Variants in CDYL observed in about 807,000 individuals in gnomAD.
CDYL encodes the protein chromodomain Y like.
Under a neutral mutation model 47.3 loss-of-function variants are expected in CDYL, and 8 were observed. The ratio of observed to expected loss-of-function variants is 0.17; its 90% confidence interval spans 0.10 to 0.31. The LOEUF is 0.31. Among genes scored for constraint, CDYL ranks in the 10% least tolerant of loss-of-function variants. The pLI is 1.00. For missense variants in CDYL, 471 were observed against 701.4 expected, an observed-to-expected ratio of 0.67 and a Z score of 3.71; for synonymous variants, 266 against 265.0, an observed-to-expected ratio of 1.00 and a Z score of -0.04.
chr6:4,863,842 A>T (rs1459616218), intron 1 of CDYL, among the ~76,000 whole-genome samples: 1 of 152,218 alleles, frequency 6.6e-6, no homozygotes, highest in Non-Finnish European at 1.5e-5. Context: ...GGGACCCAAG[A>T]CCTTGTCTCA....
At chr6:4,800,617 C>A (rs1308509359) in intron 1 of CDYL, among the ~76,000 whole-genome samples, 1 of 152,110 alleles carries the variant, frequency 6.6e-6, no homozygotes, top group East Asian at 1.9e-4. Context: ...TGTTATAGAT[C>A]TACCAATGAC....
intron 1 of CDYL, among the ~76,000 whole-genome samples, chr6:4,819,144 C>CTCTT (rs1197968859): frequency 7.1e-6 from 1 of 141,394 alleles, no homozygotes; most frequent in Admixed American, 6.9e-5. Flanking sequence ...CTCTCTCTCT[C>CTCTT]TCTCTCTCTC....
chr6:4,949,590 G>A (rs376523541), intron 5 of CDYL, among the ~76,000 whole-genome samples: 63 of 152,304 alleles, frequency 4.1e-4, no homozygotes, highest in African/African-American at 1.4e-3. Context: ...GGTGATGTAG[G>A]TTGTCTACAG....
chr6:4,753,932 A>G (rs1370036019), intron 3 of CDYL, among the ~76,000 whole-genome samples: 1 of 151,794 alleles, frequency 6.6e-6, no homozygotes, highest in African/African-American at 2.4e-5. Flanking sequence ...TAATGTTCTT[A>G]CCCCCTTTTT....
chr6:4,845,143 A>G (rs1205709757), intron 1 of CDYL, among the ~76,000 whole-genome samples: 2 of 152,222 alleles, frequency 1.3e-5, no homozygotes, highest in Non-Finnish European at 2.9e-5. Flanking sequence ...ATTTCACTGC[A>G]TGCTTACTTG....
intron 2 of CDYL, among the ~76,000 whole-genome samples, chr6:4,916,338 G>A (rs1295590044): frequency 1.3e-5 from 2 of 152,168 alleles, no homozygotes; most frequent in African/African-American, 4.8e-5. Flanking sequence ...CCTTCTCTTA[G>A]GAGATGACGC....
intron 1 of CDYL, among the ~76,000 whole-genome samples, chr6:4,712,121 C>T (rs1757162790): frequency 6.6e-6 from 1 of 152,114 alleles, no homozygotes; most frequent in South Asian, 2.1e-4. Flanking sequence ...GAAGCAGAAG[C>T]TTCCACCAAT....
upstream of CDYL, among the ~76,000 whole-genome samples, chr6:4,776,095 G>A (rs1278332915): frequency 1.3e-5 from 2 of 150,344 alleles, no homozygotes; most frequent in Non-Finnish European, 3.0e-5. Flanking sequence ...GCTGGGGGGC[G>A]GTGCCGCGGG....
At chr6:4,747,952 A>G (rs975078892) in intron 3 of CDYL, among the ~76,000 whole-genome samples, 1 of 152,186 alleles carries the variant, frequency 6.6e-6, no homozygotes, top group Admixed American at 6.5e-5. Context: ...TACCTTCTCC[A>G]TCTTTGTACT....
chr6:4,794,659 G>A (rs1290316850), intron 1 of CDYL, among the ~76,000 whole-genome samples: 2 of 152,278 alleles, frequency 1.3e-5, no homozygotes, highest in Non-Finnish European at 2.9e-5. Context: ...GGATTGCATC[G>A]AAGAGCATGG....
chr6:4,784,929 C>CA (rs1414269266), intron 1 of CDYL, among the ~76,000 whole-genome samples: 1 of 150,458 alleles, frequency 6.6e-6, no homozygotes, highest in Non-Finnish European at 1.5e-5. Flanking sequence ...TGCCTGCCAC[C>CA]ATGTAACGTG....
intron 1 of CDYL, among the ~76,000 whole-genome samples, chr6:4,884,801 T>C (rs1428234850): frequency 6.6e-6 from 1 of 152,200 alleles, no homozygotes; most frequent in Non-Finnish European, 1.5e-5. Flanking sequence ...TGACTGTCTT[T>C]GTATTGCCCT....
chr6:4,939,370 C>T (rs553491808), intron 4 of CDYL, among the ~76,000 whole-genome samples: 1 of 152,098 alleles, frequency 6.6e-6, no homozygotes, highest in Admixed American at 6.5e-5. Context: ...TGATGGGCAC[C>T]AAACAGCCCA....
intron 1 of CDYL, among the ~76,000 whole-genome samples, chr6:4,877,080 C>T (rs564756235): frequency 6.6e-6 from 1 of 152,316 alleles, no homozygotes; most frequent in South Asian, 2.1e-4. Context: ...GCATCTTGAC[C>T]TTGGAATTCC....
rs200641831 is a variant in CDYL at position 4,889,618 on chromosome 6, G to GT, written c.25-2088dup. ...AAATTTTAGTGTCCATAGATAGAGG[G>GT]TTTTTTTGTTTTTGTCTTTGTTTAA... On this transcript the variant is annotated intron_variant, in intron 1 of 6. Coordinates refer to ENST00000397588, the MANE Select transcript of CDYL (RefSeq NM_004824.4). 1.7e-3 allele frequency among the ~76,000 whole-genome samples: 260 copies of GT among 152,140 alleles called. 1 individual carries two copies. Among genetic ancestry groups the GT allele is most frequent in the African/African-American group, 5.8e-3 (239 of 41,502 alleles).
At chr6:4,851,666 G>A (rs921203885) in intron 1 of CDYL, among the ~76,000 whole-genome samples, 2 of 152,222 alleles carry the variant, frequency 1.3e-5, no homozygotes, top group Non-Finnish European at 2.9e-5. Flanking sequence ...ATTCGCAGAC[G>A]CATTGCATCC....
chr6:4,829,000 G>A (rs1345603805), intron 1 of CDYL, among the ~76,000 whole-genome samples: 1 of 151,982 alleles, frequency 6.6e-6, no homozygotes, highest in Non-Finnish European at 1.5e-5. Flanking sequence ...AAATTGTTCT[G>A]ATTTCCTTCA....
At chr6:4,939,425 C>T (rs1758298011) in intron 4 of CDYL, among the ~76,000 whole-genome samples, 1 of 152,128 alleles carries the variant, frequency 6.6e-6, no homozygotes, top group African/African-American at 2.4e-5. Flanking sequence ...AAGGGGATTG[C>T]CTTAGCCTCT....
At chr6:4,952,194 AT>A in intron 5 of CDYL, 71 bp from the exon 6 acceptor site, 1 of 1,533,460 alleles carries the variant, frequency 6.5e-7, no homozygotes. Flanking sequence ...TTCGGTGTGG[AT>A]TTTAAGGGAT....
Sources: allele counts gnomAD v4.1 joint callset (sites outside exome capture counted in the v4.1 genomes callset), GRCh38; gene constraint gnomAD v4.1.1; transcripts MANE v1.5; gene names NCBI Gene and HGNC (gene_info 2026-07-23, HGNC 2026-07-21).